Variants in KLHL13 observed in about 807,000 individuals in gnomAD.
KLHL13 encodes the protein kelch-like protein 13.
KLHL13 carries 10 observed loss-of-function variants against 37.1 expected under a neutral mutation model. The observed-to-expected ratio is 0.27, with a 90% CI of 0.17 to 0.46. KLHL13 has a LOEUF of 0.46. Ranked by LOEUF, KLHL13 falls within the 20% of genes least tolerant of loss-of-function variation. The probability of loss-of-function intolerance (pLI) is 1.00; values close to 1 mark genes in which losing one functional copy is unlikely to be tolerated. For synonymous variants in KLHL13, 163 were observed against 181.2 expected (o/e 0.90, Z 0.81); for missense variants, 360 against 509.3 (o/e 0.71, Z 2.82).
intron 5 of KLHL13, among the ~76,000 whole-genome samples, chrX:117,903,818 GT>G (rs1930319752): frequency 9.0e-6 from 1 of 110,611 alleles, no homozygotes; most frequent in Non-Finnish European, 1.9e-5. Flanking sequence ...ATTCACTATA[GT>G]TTTACACTTT....
chrX:118,035,271 C>T (rs1009874986), intron 1 of KLHL13, among the ~76,000 whole-genome samples: 13 of 100,349 alleles, frequency 1.3e-4, no homozygotes, highest in African/African-American at 1.4e-4. Context: ...ATACCAAAGC[C>T]GGGCAGAGAC....
intron 1 of KLHL13, among the ~76,000 whole-genome samples, chrX:118,054,081 T>C (rs936472199): frequency 6.3e-5 from 7 of 111,231 alleles, no homozygotes; most frequent in African/African-American, 2.3e-4. Context: ...GATAAAAAAC[T>C]GCTGAGCATT....
chrX:118,018,220 C>T (rs2054149984), intron 1 of KLHL13, among the ~76,000 whole-genome samples: 1 of 111,108 alleles, frequency 9.0e-6, no homozygotes, highest in South Asian at 3.7e-4. Flanking sequence ...TCACTCTTAA[C>T]TCTTTATATT....
chrX:117,952,807 CTCA>C (rs1480769181), intron 1 of KLHL13, among the ~76,000 whole-genome samples: 8 of 107,982 alleles, frequency 7.4e-5, no homozygotes, highest in African/African-American at 2.4e-4. Context: ...TGAAAAAATG[CTCA>C]TCATCACTGG....
At chrX:117,903,228 A>G (rs1930256341) in intron 5 of KLHL13, among the ~76,000 whole-genome samples, 1 of 108,585 alleles carries the variant, frequency 9.2e-6, no homozygotes, top group African/African-American at 3.4e-5. Context: ...TCTATTCAAT[A>G]ATTTCATTTC....
intron 1 of KLHL13, among the ~76,000 whole-genome samples, chrX:118,008,290 T>C (rs2054010328): frequency 9.0e-6 from 1 of 111,658 alleles, no homozygotes; most frequent in Non-Finnish European, 1.9e-5. Context: ...AAAGAAAAAA[T>C]TACCTTTATC....
intron 1 of KLHL13, among the ~76,000 whole-genome samples, chrX:118,099,078 G>C (rs1004232242): frequency 9.2e-6 from 1 of 109,123 alleles, no homozygotes; most frequent in African/African-American, 3.3e-5. Flanking sequence ...CCTGCACGTT[G>C]TGCACATGTA....
Position 117,999,459 on chromosome X carries a change from C to T in KLHL13, c.-55-53884G>A, listed in dbSNP as rs538017828. Among the ~76,000 whole-genome samples the T allele has an allele frequency of 1.0e-3, 114 of 110,480 alleles. 1 individual carries two copies. The highest frequency in any genetic ancestry group is 7.4e-3 in the Admixed American group (76 of 10,288). ...ATCACAAGGACATAAAACCAAATACCGCATGTTCTCACTCATAGGTGGGAA... is the reference window on the plus strand; with the variant it reads ...ATCACAAGGACATAAAACCAAATACTGCATGTTCTCACTCATAGGTGGGAA... On this transcript the variant is annotated intron_variant, in intron 1 of 6. Transcript: ENST00000371882.
At chrX:117,906,473 C>G (rs772880333) in intron 5 of KLHL13, among the ~76,000 whole-genome samples, 3 of 111,287 alleles carry the variant, frequency 2.7e-5, no homozygotes, top group South Asian at 7.5e-4. Flanking sequence ...TGTGACGTGA[C>G]AAGACAATCT....
intron 1 of KLHL13, among the ~76,000 whole-genome samples, chrX:118,092,510 C>T (rs2055148674): frequency 9.0e-6 from 1 of 111,446 alleles, no homozygotes; most frequent in Non-Finnish European, 1.9e-5. Flanking sequence ...TAAAGGAAAA[C>T]TAAGATTTTG....
intron 1 of KLHL13, among the ~76,000 whole-genome samples, chrX:117,978,793 CT>C (rs35977053): frequency 0.25 from 21,095 of 83,434 alleles, 4,890 homozygotes; most frequent in African/African-American, 0.71. Flanking sequence ...TATGGCTTTT[CT>C]TTTTTTTTTT....
chrX:118,010,937 G>A (rs1167462739), intron 1 of KLHL13, among the ~76,000 whole-genome samples: 5 of 109,096 alleles, frequency 4.6e-5, no homozygotes, highest in South Asian at 8.3e-4. Flanking sequence ...GCCAGGCATG[G>A]TGGCACACGC....
intron 1 of KLHL13, chrX:117,985,313 A>G (rs1369871102): frequency 8.8e-7 from 1 of 1,133,297 alleles, no homozygotes; most frequent in Non-Finnish European, 1.2e-6. Flanking sequence ...TCTCTCATCA[A>G]ATTCTCTGGA....
intron 1 of KLHL13, among the ~76,000 whole-genome samples, chrX:118,006,311 T>G (rs1341899813): frequency 1.8e-5 from 2 of 111,684 alleles, no homozygotes; most frequent in Admixed American, 1.9e-4. Context: ...AAGAAGGGTT[T>G]TATTTTGCAT....
rs138460033 is a variant in KLHL13 at position 117,934,308 on chromosome X, A to G, written c.240+11126T>C. ...AACTAAAAATAAATAATTTTTAAAA[A>G]GAAAGAAAGGTCATTATAAATAAAT... On this transcript the variant is annotated intron_variant, in intron 2 of 6. Transcript: ENST00000262820. Among the ~76,000 whole-genome samples the G allele has an allele frequency of 9.3e-3, 1,039 of 111,729 alleles. 17 individuals are homozygous for G. The highest frequency in any genetic ancestry group is 0.031 in the African/African-American group (961 of 30,816).
intron 1 of KLHL13, chrX:117,985,446 TTA>T: frequency 5.1e-6 from 4 of 782,728 alleles, no homozygotes; most frequent in African/African-American, 2.6e-5. Context: ...CTTTATATAT[TTA>T]AAAAAAAAAA....
intron 1 of KLHL13, among the ~76,000 whole-genome samples, chrX:117,949,533 A>G (rs1933482030): frequency 8.9e-6 from 1 of 111,802 alleles, no homozygotes. Flanking sequence ...TTGGAATGCT[A>G]TATGAGGAAG....
At chrX:117,990,550 C>T (rs2053776252) in intron 1 of KLHL13, among the ~76,000 whole-genome samples, 1 of 111,833 alleles carries the variant, frequency 8.9e-6, no homozygotes, top group South Asian at 3.7e-4. Context: ...TATTAAATTA[C>T]TGTTGCTACA....
intron 1 of KLHL13, among the ~76,000 whole-genome samples, chrX:117,998,582 C>A (rs2053883529): frequency 9.0e-6 from 1 of 111,357 alleles, no homozygotes; most frequent in African/African-American, 3.3e-5. Flanking sequence ...AGGCTGAGAT[C>A]CAGACATTAT....
Sources: gnomAD v4.1 joint callset for allele counts (sites outside exome capture counted in the v4.1 genomes callset) on GRCh38, gnomAD v4.1.1 for gene constraint, MANE v1.5 for transcripts, NCBI Gene and HGNC (gene_info 2026-07-23, HGNC 2026-07-21) for gene names.